The following CPVL variants were observed in gnomAD, a reference collection of about 807,000 sequenced individuals.
The protein encoded by CPVL is probable serine carboxypeptidase CPVL.
In CPVL, 51 loss-of-function variants were observed where a neutral mutation model predicts 63.7. The ratio of observed to expected loss-of-function variants is 0.80; its 90% CI spans 0.64 to 1.01. CPVL has a LOEUF of 1.01. Ranked by LOEUF, CPVL falls within the 50% of genes least tolerant of loss-of-function variation. CPVL has a pLI of 0.00. For synonymous variants in CPVL, 195 were observed against 206.0 expected, an observed-to-expected ratio of 0.95 and a Z score of 0.46; for missense variants, 530 against 573.1, an observed-to-expected ratio of 0.92 and a Z score of 0.77.
chr7:29,169,715 T>C (rs939106425), intron 5 of CPVL, among the ~76,000 whole-genome samples: 1 of 152,062 alleles, frequency 6.6e-6, no homozygotes, highest in Admixed American at 6.6e-5. Context: ...ACACATTTGA[T>C]CCAGAAAAGC....
intron 12 of CPVL, among the ~76,000 whole-genome samples, chr7:29,024,675 A>G (rs996606767): frequency 6.6e-6 from 1 of 152,246 alleles, no homozygotes; most frequent in African/African-American, 2.4e-5. Context: ...AAGCCACGAG[A>G]AAATGAGATG....
chr7:29,134,859 G>A (rs1460231947), intron 1 of CPVL, among the ~76,000 whole-genome samples: 1 of 152,082 alleles, frequency 6.6e-6, no homozygotes, highest in Non-Finnish European at 1.5e-5. Context: ...CAGAACCTTG[G>A]GAGACCAAGG....
At chr7:29,023,174 G>T (rs1255445760) in intron 12 of CPVL, among the ~76,000 whole-genome samples, 1 of 152,230 alleles carries the variant, frequency 6.6e-6, no homozygotes, top group Non-Finnish European at 1.5e-5. Context: ...TCACCTGGAA[G>T]CCTGTATTAG....
At chr7:29,165,810 C>A (rs1269429522) in intron 5 of CPVL, among the ~76,000 whole-genome samples, 1 of 152,046 alleles carries the variant, frequency 6.6e-6, no homozygotes, top group African/African-American at 2.4e-5. Flanking sequence ...TATGGTGTTT[C>A]TTTTTAAGTG....
At chr7:29,039,681 A>G (rs1788882798) in intron 11 of CPVL, among the ~76,000 whole-genome samples, 1 of 149,222 alleles carries the variant, frequency 6.7e-6, no homozygotes, top group African/African-American at 2.6e-5. Flanking sequence ...AAAAGCACAC[A>G]TGTTACTGAC....
At chr7:29,003,239 G>A (rs568851449) in intron 12 of CPVL, among the ~76,000 whole-genome samples, 3 of 151,958 alleles carry the variant, frequency 2.0e-5, no homozygotes, top group East Asian at 1.9e-4. Flanking sequence ...CTTAAAAGCT[G>A]TCACAGAAAA....
chr7:29,123,257 CA>C (rs1405442728), intron 1 of CPVL, among the ~76,000 whole-genome samples: 11 of 152,142 alleles, frequency 7.2e-5, no homozygotes, highest in Middle Eastern at 6.8e-3. Flanking sequence ...CACATTTCCC[CA>C]GTAAGATAAA....
chr7:29,167,226 TA>T (rs1796030612), intron 5 of CPVL, among the ~76,000 whole-genome samples: 2 of 152,222 alleles, frequency 1.3e-5, no homozygotes, highest in Admixed American at 6.5e-5. Context: ...AATCCTAAAA[TA>T]ATATATTAAT....
At chr7:29,195,092 C>A in exon 1 of CPVL, 1 of 1,308,762 alleles carries the variant, frequency 7.6e-7, no homozygotes, top group African/African-American at 1.5e-5. Context: ...GCCATCCCGC[C>A]CGCTCTCTCG....
Position 29,044,181 on chromosome 7 carries a change from G to A in CPVL, c.1138-13422C>T, listed in dbSNP as rs6973485. ...TCTAGTCCCAGCAGTTTGGGAGGCC[G>A]AGGCAGGAGTTCAAGACCTGAAGTG... On this transcript the variant is annotated intron_variant, in intron 11 of 12. Coordinates refer to ENST00000265394, the MANE Select transcript of CPVL (RefSeq NM_031311.5). Among the ~76,000 whole-genome samples the A allele has an allele frequency of 1.0e-2, 1,515 of 152,220 alleles. 23 individuals carry two copies. The highest frequency in any genetic ancestry group is 0.034 in the African/African-American group (1,426 of 41,530).
intron 1 of CPVL, among the ~76,000 whole-genome samples, chr7:29,189,618 A>G (rs1473955570): frequency 6.6e-6 from 1 of 152,120 alleles, no homozygotes; most frequent in Non-Finnish European, 1.5e-5. Context: ...AACATATTCA[A>G]TGAGTTTCTG....
At chr7:29,037,701 T>G (rs1788688121) in intron 11 of CPVL, among the ~76,000 whole-genome samples, 1 of 152,060 alleles carries the variant, frequency 6.6e-6, no homozygotes, top group South Asian at 2.1e-4. Flanking sequence ...AATTGTGACT[T>G]AGGATGGAGG....
chr7:29,068,579 G>A (rs1783372421), intron 9 of CPVL, among the ~76,000 whole-genome samples: 1 of 152,082 alleles, frequency 6.6e-6, no homozygotes, highest in African/African-American at 2.4e-5. Context: ...GCTCAGGGCT[G>A]CATCTGGAGA....
intron 12 of CPVL, among the ~76,000 whole-genome samples, chr7:29,008,385 C>G (rs1785428462): frequency 6.6e-6 from 1 of 151,994 alleles, no homozygotes; most frequent in Non-Finnish European, 1.5e-5. Flanking sequence ...TTGGAAAAAG[C>G]ACAGAAGGGC....
chr7:29,156,030 C>T (rs1794324108), intron 5 of CPVL, among the ~76,000 whole-genome samples: 1 of 152,184 alleles, frequency 6.6e-6, no homozygotes, highest in South Asian at 2.1e-4. Context: ...GTTTTCTTCC[C>T]TTAAATCAAA....
intron 12 of CPVL, among the ~76,000 whole-genome samples, chr7:29,026,224 A>C (rs921015392): frequency 3.3e-5 from 5 of 152,132 alleles, no homozygotes; most frequent in African/African-American, 1.2e-4. Flanking sequence ...ATGACCATTG[A>C]ATCAATTAAG....
chr7:29,191,830 C>G lies in CPVL; in HGVS notation c.-448+3247G>C, dbSNP rs1056694474. 52 of 152,278 alleles carry G rather than the reference C, an allele frequency of 3.4e-4. 1 individual carries two copies. Among genetic ancestry groups the G allele is most frequent in the African/African-American group, 1.2e-3 (50 of 41,546 alleles). The allele number at this position is 152,278 out of a possible 1,614,324, so 9.4% of individuals were successfully genotyped here. A position where few individuals can be genotyped will look rare whatever the true frequency, so the allele number is the denominator to read the frequency against. ...TTTCATTGTTTCATTTGGAGAAATACTTTAGAAGGTCCACAAACAGGTCCC... is the reference window on the plus strand; with the variant it reads ...TTTCATTGTTTCATTTGGAGAAATAGTTTAGAAGGTCCACAAACAGGTCCC... On this transcript the variant is annotated intron_variant, in intron 1 of 16. Coordinates refer to the CPVL transcript ENST00000409850.
At chr7:29,141,569 T>C (rs1562789706) in intron 1 of CPVL, among the ~76,000 whole-genome samples, 1 of 150,212 alleles carries the variant, frequency 6.7e-6, no homozygotes, top group African/African-American at 2.4e-5. Flanking sequence ...AAATAAAAAA[T>C]AAAAAAACAA....
chr7:29,065,202 A>G (rs931953672), intron 10 of CPVL, among the ~76,000 whole-genome samples: 2 of 152,230 alleles, frequency 1.3e-5, no homozygotes, highest in African/African-American at 4.8e-5. Context: ...AACAATTTTT[A>G]CTAACTGTGA....
Sources: allele counts gnomAD v4.1 joint callset (sites outside exome capture counted in the v4.1 genomes callset), GRCh38; gene constraint gnomAD v4.1.1; transcripts MANE v1.5; gene names NCBI Gene and HGNC (gene_info 2026-07-23, HGNC 2026-07-21).